Variants in SOX5 observed in about 807,000 individuals in gnomAD.
SOX5 encodes the protein SRY-box transcription factor 5, also known as transcription factor SOX-5.
In SOX5, 9 loss-of-function variants were observed where a neutral mutation model predicts 92.0. The ratio of observed to expected loss-of-function variants is 0.10; its 90% CI spans 0.06 to 0.17. SOX5 has a LOEUF of 0.17. Ranked by LOEUF, SOX5 falls within the 10% of genes least tolerant of loss-of-function variation. The probability of loss-of-function intolerance (pLI) is 1.00; values close to 1 mark genes in which losing one functional copy is unlikely to be tolerated. For missense variants in SOX5, 642 were observed against 944.5 expected, an observed-to-expected ratio of 0.68 and a Z score of 4.20; for synonymous variants, 344 against 336.3, an observed-to-expected ratio of 1.02 and a Z score of -0.25.
At chr12:24,362,098 C>T (rs148586839) in intron 2 of SOX5, among the ~76,000 whole-genome samples, 32 of 152,298 alleles carry the variant, frequency 2.1e-4, no homozygotes, top group African/African-American at 7.2e-4. Context: ...GTCAACTATG[C>T]AGCTAAGTCA....
At chr12:24,115,862 T>A (rs1947933373) in intron 4 of SOX5, among the ~76,000 whole-genome samples, 1 of 152,158 alleles carries the variant, frequency 6.6e-6, no homozygotes, top group Non-Finnish European at 1.5e-5. Context: ...CATATGTTAT[T>A]GTTTTTGAGA....
intron 1 of SOX5, among the ~76,000 whole-genome samples, chr12:24,392,184 C>T (rs1959057357): frequency 6.6e-6 from 1 of 152,192 alleles, no homozygotes; most frequent in African/African-American, 2.4e-5. Context: ...GTCCCTCTCA[C>T]TGCGCTATTG....
At chr12:24,406,544 G>T (rs1962992069) in intron 1 of SOX5, among the ~76,000 whole-genome samples, 1 of 152,196 alleles carries the variant, frequency 6.6e-6, no homozygotes, top group East Asian at 1.9e-4. Flanking sequence ...GAGGTGACAG[G>T]TGAAGAGAGG....
chr12:23,649,087 T>A (rs1406882624), intron 7 of SOX5, among the ~76,000 whole-genome samples: 2 of 152,118 alleles, frequency 1.3e-5, no homozygotes, highest in Non-Finnish European at 2.9e-5. Context: ...ATGCTCCTGG[T>A]TACAACAAAG....
rs200277302 is a variant in SOX5 at position 23,622,486 on chromosome 12, C to T, written c.1018-17953G>A. On this transcript the variant is annotated intron_variant, in intron 8 of 14. Transcript: ENST00000451604. Reference sequence around the variant, plus strand: ...TGGTTGGTTGATATCAGTATGTGAACTCCAAACTCAGATCTCAGCGAATTT... The same window carrying T: ...TGGTTGGTTGATATCAGTATGTGAATTCCAAACTCAGATCTCAGCGAATTT... Among the ~76,000 whole-genome samples, 10 of 151,902 alleles carry T rather than the reference C, an allele frequency of 6.6e-5. No individual in the cohort carries two copies. In the East Asian group the frequency reaches 1.9e-3, roughly 29 times the overall value.
At chr12:24,047,351 G>T (rs1196829207) in intron 4 of SOX5, among the ~76,000 whole-genome samples, 1 of 152,128 alleles carries the variant, frequency 6.6e-6, no homozygotes, top group East Asian at 1.9e-4. Flanking sequence ...GACTTTAAAT[G>T]AAGCAAAAAG....
Position 24,351,697 on chromosome 12 carries a change from G to A in SOX5, c.-174+16866C>T, listed in dbSNP as rs189365241. Among the ~76,000 whole-genome samples the A allele has an allele frequency of 2.0e-3, 304 of 152,280 alleles. 1 individual carries two copies. The Middle Eastern group carries it at 0.02, about 10-fold the overall frequency. ...GAAATTATAATGATTAGTTATTGGA[G>A]GGAAAACCATTACATGAATACAATG... On this transcript the variant is annotated intron_variant, in intron 2 of 4. Transcript: ENST00000446891.
intron 6 of SOX5, among the ~76,000 whole-genome samples, chr12:23,698,211 C>A (rs1460021941): frequency 6.6e-6 from 1 of 151,998 alleles, no homozygotes; most frequent in Non-Finnish European, 1.5e-5. Context: ...TTCATTGCTT[C>A]TTTTCACAAT....
At chr12:23,548,022 G>A (rs962749757) in intron 11 of SOX5, among the ~76,000 whole-genome samples, 9 of 152,040 alleles carry the variant, frequency 5.9e-5, no homozygotes, top group African/African-American at 1.9e-4. Flanking sequence ...GAAAACACAC[G>A]CACACATACA....
At chr12:24,405,259 G>A (rs562363570) in intron 1 of SOX5, among the ~76,000 whole-genome samples, 1 of 152,292 alleles carries the variant, frequency 6.6e-6, no homozygotes, top group Admixed American at 6.5e-5. Flanking sequence ...CACATGGTAA[G>A]TTCCAGAAAG....
At chr12:23,850,661 A>G (rs1007792090) in intron 2 of SOX5, among the ~76,000 whole-genome samples, 1 of 152,046 alleles carries the variant, frequency 6.6e-6, no homozygotes, top group Non-Finnish European at 1.5e-5. Context: ...GAATTTAGTT[A>G]TAGAAAAAAT....
chr12:24,545,126 C>T (rs116270818), intron 1 of SOX5, among the ~76,000 whole-genome samples: 465 of 152,274 alleles, frequency 3.1e-3, no homozygotes, highest in African/African-American at 0.011. Context: ...CTCTTGTCCA[C>T]GTACTGAGCA....
intron 4 of SOX5, among the ~76,000 whole-genome samples, chr12:24,211,330 C>T (rs1292123306): frequency 1.3e-5 from 2 of 152,190 alleles, no homozygotes; most frequent in Non-Finnish European, 2.9e-5. Flanking sequence ...CACTGACATA[C>T]ACATCAAAAT....
intron 1 of SOX5, among the ~76,000 whole-genome samples, chr12:24,379,096 A>G (rs1957565059): frequency 6.6e-6 from 1 of 152,216 alleles, no homozygotes; most frequent in South Asian, 2.1e-4. Context: ...CCTTTCCAAC[A>G]TACACTGCAC....
At chr12:23,593,536 G>A (rs1004479204) in intron 9 of SOX5, among the ~76,000 whole-genome samples, 2 of 152,046 alleles carry the variant, frequency 1.3e-5, no homozygotes, top group African/African-American at 4.8e-5. Context: ...TAGTGAATGT[G>A]AAAACAGGTA....
rs1164481806 is a variant in SOX5 at position 23,786,569 on chromosome 12, C to A, written c.482-30845G>T. Among the ~76,000 whole-genome samples the A allele has an allele frequency of 2.7e-5, 4 of 150,486 alleles. No homozygotes were observed. In the East Asian group the frequency reaches 5.8e-4, roughly 22 times the overall value. ...AAAAAAAAAAAAAAGAAAAAAGAGA[C>A]CTAGAAATCATAGTGCTTTTGTAGG... is the stretch of plus-strand genomic sequence containing the variant. On this transcript the variant is annotated intron_variant, in intron 3 of 14. Transcript: ENST00000451604.
At chr12:24,072,743 T>C (rs1163455225) in intron 4 of SOX5, among the ~76,000 whole-genome samples, 1 of 152,198 alleles carries the variant, frequency 6.6e-6, no homozygotes, top group African/African-American at 2.4e-5. Context: ...AAAACATTAA[T>C]AAAGTGTCTC....
upstream of SOX5, among the ~76,000 whole-genome samples, chr12:23,950,010 C>G (rs138752910): frequency 6.6e-6 from 1 of 151,854 alleles, no homozygotes; most frequent in African/African-American, 2.4e-5. Context: ...TCATTTAACA[C>G]GTCTCCCATA....
At chr12:23,797,515 C>T (rs1594540079) in intron 3 of SOX5, among the ~76,000 whole-genome samples, 1 of 151,868 alleles carries the variant, frequency 6.6e-6, no homozygotes. Flanking sequence ...CCCTCTCGCC[C>T]TTCCACAAAA....
Sources: gnomAD v4.1 joint callset for allele counts (sites outside exome capture counted in the v4.1 genomes callset) on GRCh38, gnomAD v4.1.1 for gene constraint, MANE v1.5 for transcripts, NCBI Gene and HGNC (gene_info 2026-07-23, HGNC 2026-07-21) for gene names.